Variants in OTUD4 observed in about 807,000 individuals in gnomAD.
OTUD4 encodes the protein OTU domain-containing protein 4.
Under a neutral mutation model 130.4 loss-of-function variants are expected in OTUD4, and 24 were observed. The observed-to-expected ratio is 0.18, with a 90% CI of 0.13 to 0.26. OTUD4 has a LOEUF of 0.26. Among genes scored for constraint, OTUD4 ranks in the 10% least tolerant of loss-of-function variants. The pLI, the probability that OTUD4 is intolerant of heterozygous loss-of-function variation, is 1.00. For missense variants in OTUD4, 1,031 were observed against 1,329.4 expected, an observed-to-expected ratio of 0.78 and a Z score of 3.49; for synonymous variants, 420 against 472.5, an observed-to-expected ratio of 0.89 and a Z score of 1.44.
At position 145,141,551 on chromosome 4, in the gene OTUD4, G is replaced by C. The variant is rs763369177; in HGVS notation, c.1911C>G (p.Pro637=). The change falls in exon 19 of 21, where the codon CCC becomes CCG. Residue 637 remains proline (P), a synonymous_variant. Coordinates refer to ENST00000447906, the MANE Select transcript of OTUD4 (RefSeq NM_001366057.1). ...CCTGTATTGACACAGGAACTGGAGA[G>C]GGTGTTAAATGAGCTTGGGATACAG... ...DSAVSQAHLT[P]SPVPVSIQAV... 1.9e-5 allele frequency: 31 copies of C among 1,611,510 alleles called. No individual in the cohort carries two copies. The highest frequency in any genetic ancestry group is 2.5e-5 in the Non-Finnish European group (29 of 1,178,524).
chr4:145,158,200 T>C (rs942721396), intron 7 of OTUD4, among the ~76,000 whole-genome samples: 1 of 152,128 alleles, frequency 6.6e-6, no homozygotes, highest in Admixed American at 6.5e-5. Context: ...TCAAGAGATA[T>C]ACAGGCTGGG....
At chr4:145,166,855 T>G (rs1465131622) in intron 3 of OTUD4, among the ~76,000 whole-genome samples, 2 of 152,162 alleles carry the variant, frequency 1.3e-5, no homozygotes, top group African/African-American at 4.8e-5. Flanking sequence ...AAATAATTCA[T>G]GTTTCAGCCA....
intron 7 of OTUD4, among the ~76,000 whole-genome samples, chr4:145,157,642 C>T (rs928480668): frequency 4.5e-5 from 6 of 134,692 alleles, no homozygotes; most frequent in Admixed American, 2.6e-4. Context: ...CAAGATCACA[C>T]GATTGCACTC....
At chr4:145,149,124 C>T (rs1243133672) in intron 13 of OTUD4, among the ~76,000 whole-genome samples, 3 of 152,114 alleles carry the variant, frequency 2.0e-5, no homozygotes, top group East Asian at 3.9e-4. Flanking sequence ...TGAGGTCATA[C>T]TGAATAGGGT....
At chr4:145,159,694 G>A in intron 6 of OTUD4, 59 bp from the exon 7 acceptor site, 1 of 1,509,956 alleles carries the variant, frequency 6.6e-7, no homozygotes, top group Non-Finnish European at 9.1e-7. Context: ...TTTAAAAACA[G>A]GAACAGACCA....
chr4:145,148,127 T>C (rs1750905240), intron 13 of OTUD4, among the ~76,000 whole-genome samples: 1 of 152,208 alleles, frequency 6.6e-6, no homozygotes. Context: ...TATTTTTACA[T>C]ACCAAGTAAC....
rs753489297 is a variant in OTUD4, at chr4:145,150,490, T to TA, written c.1259+22_1259+23insT. On this transcript the variant is annotated intron_variant, in intron 13 of 20. Coordinates refer to ENST00000447906, the MANE Select transcript of OTUD4 (RefSeq NM_001366057.1). Reference sequence around the variant, plus strand: ...ATGCCTCTTACTTGATTTCTATACTTCTCTTACATTCAAGAAGGTTACCTT... The same window carrying TA: ...ATGCCTCTTACTTGATTTCTATACTTACTCTTACATTCAAGAAGGTTACCTT... 41 of 1,532,934 alleles carry TA rather than the reference T, an allele frequency of 2.7e-5. No homozygotes were observed. In the Admixed American group the frequency reaches 3.6e-4, roughly 13 times the overall value. 95.0% of individuals were successfully genotyped at this position (1,532,934 alleles called of 1,614,324 possible).
intron 15 of OTUD4, 64 bp from the exon 16 acceptor site, chr4:145,144,065 C>G: frequency 7.5e-7 from 1 of 1,337,938 alleles, no homozygotes; most frequent in East Asian, 2.3e-5. Flanking sequence ...CACAGAAGAA[C>G]AAAATACGAA....
intron 15 of OTUD4, 151 bp downstream of exon 15, chr4:145,144,160 T>G: frequency 9.8e-7 from 1 of 1,020,718 alleles, no homozygotes; most frequent in South Asian, 1.5e-5. Flanking sequence ...ATCCTTTAGC[T>G]TGAGTCAATA....
chr4:145,141,073 G>A (rs1037814400), intron 19 of OTUD4, among the ~76,000 whole-genome samples: 2 of 151,282 alleles, frequency 1.3e-5, no homozygotes, highest in South Asian at 2.1e-4. Flanking sequence ...GGATGCTGAA[G>A]TGGGAGAATT....
intron 13 of OTUD4, among the ~76,000 whole-genome samples, chr4:145,147,646 AGCATATAT>A (rs2126754943): frequency 6.6e-6 from 1 of 152,338 alleles, no homozygotes; most frequent in South Asian, 2.1e-4. Context: ...CATTAACAAA[AGCATATAT>A]GGCAATCTTG....
Position 145,179,940 on chromosome 4 carries a change from C to A in OTUD4, c.34G>T (p.Asp12Tyr). Residue 12 changes from aspartate (D) to tyrosine (Y), a missense_variant, in exon 1 of 21, where the codon GAC becomes TAC. Physicochemically the swap from Asp to Tyr is radical, Grantham distance 160 (BLOSUM62 -3). Transcript: ENST00000447906. ...TCGCGGGGCCCCGCGCCGCCCTGGT[C>A]CCCGCCGTCGGGGACGCCGACGGCA... ...EAAVGVPDGG[D>Y]QGGAGPREDA... 2 of 1,523,188 alleles carry A rather than the reference C, an allele frequency of 1.3e-6. No individual in the cohort carries two copies. Among genetic ancestry groups the A allele is most frequent in the Admixed American group, 2.0e-5 (1 of 49,858 alleles). The allele number at this position is 1,523,188 out of a possible 1,614,324, so 94.4% of individuals were successfully genotyped here.
intron 1 of OTUD4, chr4:145,178,389 G>C (rs1752528537): frequency 6.6e-6 from 1 of 152,206 alleles, no homozygotes; most frequent in South Asian, 2.1e-4. Context: ...AGGTCTAACA[G>C]TACGTTATAA....
chr4:145,176,487 A>C (rs1168233092), intron 1 of OTUD4, among the ~76,000 whole-genome samples: 1 of 150,742 alleles, frequency 6.6e-6, no homozygotes, highest in Non-Finnish European at 1.5e-5. Context: ...GGAGTTTGAG[A>C]CTAGCCTGGT....
intron 20 of OTUD4, among the ~76,000 whole-genome samples, chr4:145,139,143 T>G (rs1454125667): frequency 6.6e-6 from 1 of 152,178 alleles, no homozygotes; most frequent in African/African-American, 2.4e-5. Flanking sequence ...AAATGAAATA[T>G]TCCAAATCCT....
chr4:145,143,093 G>A (rs903214962), intron 17 of OTUD4, among the ~76,000 whole-genome samples: 1 of 151,898 alleles, frequency 6.6e-6, no homozygotes, highest in Non-Finnish European at 1.5e-5. Context: ...CAAATATAAC[G>A]ATAACAAATA....
chr4:145,161,163 A>C (rs1268094777), intron 6 of OTUD4, among the ~76,000 whole-genome samples: 1 of 151,552 alleles, frequency 6.6e-6, no homozygotes, highest in Non-Finnish European at 1.5e-5. Context: ...GTCCACCTCT[A>C]AATGAGTTCC....
At chr4:145,178,871 G>A (rs1409228255) in intron 1 of OTUD4, among the ~76,000 whole-genome samples, 2 of 152,080 alleles carry the variant, frequency 1.3e-5, no homozygotes, top group African/African-American at 4.8e-5. Context: ...CCCCACAGGC[G>A]GGTAGGGAGG....
intron 7 of OTUD4, among the ~76,000 whole-genome samples, chr4:145,158,057 A>G (rs1337890724): frequency 6.6e-6 from 1 of 152,190 alleles, no homozygotes; most frequent in Non-Finnish European, 1.5e-5. Flanking sequence ...CAAAATTTCT[A>G]CCTAGGCAAA....
Sources: allele counts gnomAD v4.1 joint callset (sites outside exome capture counted in the v4.1 genomes callset), GRCh38; gene constraint gnomAD v4.1.1; transcripts MANE v1.5; gene names NCBI Gene and HGNC (gene_info 2026-07-23, HGNC 2026-07-21).